Variants in POLR1C observed in about 807,000 individuals in gnomAD.
POLR1C encodes the protein RNA polymerase I and III subunit C, also known as DNA-directed RNA polymerases I and III subunit RPAC1.
A neutral mutation model predicts 38.3 loss-of-function variants in POLR1C; 42 were observed. The observed-to-expected ratio is 1.10, with a 90% CI of 0.86 to 1.42. The LOEUF is 1.42. POLR1C is among the 40% of genes most tolerant of loss of function. The pLI, the probability that POLR1C is intolerant of heterozygous loss-of-function variation, is 0.00. For missense variants in POLR1C, 507 were observed against 450.5 expected (o/e 1.13, Z -1.14); for synonymous variants, 163 against 163.9 (o/e 0.99, Z 0.04).
downstream of POLR1C, chr6:43,523,763 A>C (rs1793352093): frequency 1.3e-6 from 2 of 1,564,772 alleles, no homozygotes; most frequent in African/African-American, 2.7e-5. Context: ...CCAGGCTGAC[A>C]GTGGTGGAAA....
At chr6:43,522,402 T>G (rs1239338021), downstream of POLR1C, 2 of 159,690 alleles carry the variant, frequency 1.3e-5, no homozygotes, top group East Asian at 1.8e-4. Flanking sequence ...CTACAAAAAG[T>G]TTCTATAAAC....
chr6:43,526,797 A>G (rs370367568), intron 8 of POLR1C: 90 of 1,582,498 alleles, frequency 5.7e-5, no homozygotes, highest in Non-Finnish European at 7.2e-5. Context: ...ATATACTACC[A>G]CAACAGCCAC....
rs1762449600 is a variant in POLR1C at position 43,562,123 on chromosome 6, C to T, written c.*772C>T. ...TTTAATCTATAGAATCATGCAATAA[C>T]TTGTATGGCACTGCCCCATCAGGCT... On this transcript the variant is annotated 3_prime_UTR_variant, in exon 11 of 11. Coordinates refer to the POLR1C transcript ENST00000607635. 4.7e-6 allele frequency: 3 copies of T among 634,340 alleles called. No homozygotes were observed. In the South Asian group the frequency reaches 6.4e-5, roughly 14 times the overall value. 39.3% of individuals were successfully genotyped at this position (634,340 alleles called of 1,614,324 possible). A position where few individuals can be genotyped will look rare whatever the true frequency, so the allele number is the denominator to read the frequency against.
chr6:43,561,146 AG>A, intron 10 of POLR1C: 1 of 684,034 alleles, frequency 1.5e-6, no homozygotes, highest in Non-Finnish European at 2.5e-6. Flanking sequence ...TTTTGGCTAA[AG>A]AAAGGCATCA....
chr6:43,522,643 C>T (rs1368642006), downstream of POLR1C: 1 of 430,250 alleles, frequency 2.3e-6, no homozygotes, highest in African/African-American at 2.0e-5. Context: ...TCTTCTCAAT[C>T]TGACCCTGCC....
At chr6:43,519,193 A>C (rs1472604203) in intron 2 of POLR1C, 140 bp from the exon 3 acceptor site, 2 of 701,306 alleles carry the variant, frequency 2.9e-6, no homozygotes, top group Non-Finnish European at 5.2e-6. Context: ...GCGAGATAGA[A>C]TATTTAATAA....
At chr6:43,519,640 G>A in intron 3 of POLR1C, 66 bp from the exon 4 acceptor site, 15 of 1,608,652 alleles carry the variant, frequency 9.3e-6, no homozygotes, top group African/African-American at 1.3e-5. Flanking sequence ...TGGAGGTTGG[G>A]GTTACGGGGA....
intron 2 of POLR1C, 115 bp downstream of exon 2, chr6:43,517,492 T>C: frequency 5.7e-6 from 5 of 876,234 alleles, no homozygotes; most frequent in Middle Eastern, 3.1e-4. Flanking sequence ...GTAAGTTTGT[T>C]GAGCAATGTG....
intron 10 of POLR1C, among the ~76,000 whole-genome samples, chr6:43,552,303 C>G (rs186884140): frequency 6.6e-6 from 1 of 152,072 alleles, no homozygotes; most frequent in Non-Finnish European, 1.5e-5. Flanking sequence ...GGTGATCCAC[C>G]CACCTTAGCC....
chr6:43,526,680 C>T, intron 8 of POLR1C: 1 of 1,613,910 alleles, frequency 6.2e-7, no homozygotes, highest in Non-Finnish European at 8.5e-7. Context: ...CACAGGCTCA[C>T]TTACCGTCTC....
chr6:43,538,430 G>A (rs1452350922), intron 9 of POLR1C, among the ~76,000 whole-genome samples: 2 of 152,014 alleles, frequency 1.3e-5, no homozygotes, highest in South Asian at 2.1e-4. Flanking sequence ...GATCACAAGC[G>A]TGAGGCACCA....
intron 9 of POLR1C, among the ~76,000 whole-genome samples, chr6:43,541,640 A>G (rs1229993545): frequency 7.1e-6 from 1 of 141,498 alleles, no homozygotes; most frequent in Non-Finnish European, 1.5e-5. Context: ...CTGTCTCTAG[A>G]TATTTCATAA....
At chr6:43,523,788 C>T, downstream of POLR1C, 1 of 1,610,740 alleles carries the variant, frequency 6.2e-7, no homozygotes, top group Non-Finnish European at 8.5e-7. Flanking sequence ...GGTGGCAGTG[C>T]AAGAAGGGCC....
downstream of POLR1C, chr6:43,523,681 T>C (rs2127696000): frequency 1.1e-6 from 1 of 921,864 alleles, no homozygotes; most frequent in Non-Finnish European, 1.8e-6. Context: ...CTCCCTTTCT[T>C]GATACTTTAG....
chr6:43,533,192 T>G (rs190953159), downstream of POLR1C, among the ~76,000 whole-genome samples: 79 of 141,830 alleles, frequency 5.6e-4, no homozygotes, highest in African/African-American at 2.0e-3. Flanking sequence ...ATCTATTCCT[T>G]TAAAAACTTT....
chr6:43,524,308 TACCACTGC>T (rs1223399210), downstream of POLR1C, among the ~76,000 whole-genome samples: 1 of 146,260 alleles, frequency 6.8e-6, no homozygotes, highest in Non-Finnish European at 1.5e-5. Flanking sequence ...GCTGAGATCG[TACCACTGC>T]ACTCCAGCCT....
Position 43,519,532 on chromosome 6 carries a change from CTCCT to C in POLR1C, c.249+94_249+97del, listed in dbSNP as rs1793027574. 2.2e-6 allele frequency: 3 copies of C among 1,368,166 alleles called. No homozygotes were observed. In the East Asian group the frequency reaches 6.9e-5, roughly 31 times the overall value. 84.8% of individuals were successfully genotyped at this position (1,368,166 alleles called of 1,614,324 possible). The stretch of plus-strand genomic sequence containing the variant: ...ATTAAGTGTCTCAAGCTGTCCTTCC[CTCCT>C]TAATTTTCCTGGAATTTTGCTGAGC... On this transcript the variant is annotated intron_variant, in intron 3 of 8. Transcript: ENST00000642195.
downstream of POLR1C, chr6:43,525,203 T>C: frequency 1.9e-6 from 3 of 1,576,182 alleles, no homozygotes; most frequent in South Asian, 1.2e-5. Flanking sequence ...TTAATAGCGC[T>C]GTACAAACAT....
intron 10 of POLR1C, chr6:43,555,891 A>G (rs1320500941): frequency 6.2e-7 from 1 of 1,613,858 alleles, no homozygotes; most frequent in Non-Finnish European, 8.5e-7. Flanking sequence ...GCCACTCCCC[A>G]GCCATCTGGA....
Sources: gnomAD v4.1 joint callset for allele counts (sites outside exome capture counted in the v4.1 genomes callset) on GRCh38, gnomAD v4.1.1 for gene constraint, MANE v1.5 for transcripts, NCBI Gene and HGNC (gene_info 2026-07-23, HGNC 2026-07-21) for gene names.